SCAF11: variants seen among roughly 807,000 people sequenced by gnomAD.
SCAF11 encodes the protein protein SCAF11.
A neutral mutation model predicts 140.5 loss-of-function variants in SCAF11; 47 were observed. The observed-to-expected ratio is 0.33, with a 90% CI of 0.26 to 0.43. The LOEUF (loss-of-function observed/expected upper bound fraction) is 0.43. Among genes scored for constraint, SCAF11 ranks in the 20% least tolerant of loss-of-function variants. SCAF11 has a pLI of 1.00. For missense variants in SCAF11, 1,645 were observed against 1,705.1 expected (o/e 0.96, Z 0.62); for synonymous variants, 557 against 579.4 (o/e 0.96, Z 0.55).
rs1407649705 is a variant in SCAF11 at position 45,922,497 on chromosome 12, T to A, written c.4211A>T (p.Glu1404Val). The A allele has an allele frequency of 6.2e-7, 1 of 1,603,800 alleles. No homozygotes were observed. Among genetic ancestry groups the A allele is most frequent in the East Asian group, 2.2e-5 (1 of 44,570 alleles). ...FYQNKDITKE[E>V]YKEIVRKAVD... Reference sequence around the variant, plus strand: ...TGCTTTCCGTACAATTTCTTTATATTCTTCCTTGGTGATATCTTTATTTTG... The same window carrying A: ...TGCTTTCCGTACAATTTCTTTATATACTTCCTTGGTGATATCTTTATTTTG... The change falls in exon 14 of 15, where the codon GAA (glutamate) becomes GTA (valine). Residue 1404 changes from glutamate to valine, a missense_variant. Coordinates refer to ENST00000369367, the MANE Select transcript of SCAF11 (RefSeq NM_004719.3).
chr12:45,965,570 TC>T (rs1408429351), intron 1 of SCAF11, among the ~76,000 whole-genome samples: 2 of 152,130 alleles, frequency 1.3e-5, no homozygotes, highest in Non-Finnish European at 2.9e-5. Flanking sequence ...TGCCTCCACC[TC>T]CCAAAATGCT....
At chr12:45,943,407 A>G (rs1945350341) in intron 6 of SCAF11, among the ~76,000 whole-genome samples, 2 of 152,196 alleles carry the variant, frequency 1.3e-5, no homozygotes, top group Admixed American at 1.3e-4. Flanking sequence ...TAAGAAGAGT[A>G]AGTACAATAA....
At position 45,927,982 on chromosome 12, in the gene SCAF11, C is replaced by T. The variant is rs2136509578; in HGVS notation, c.1719G>A (p.Glu573=). Residue 573 remains glutamate (E), a synonymous_variant, in exon 11 of 15, where the codon GAG becomes GAA. Coordinates refer to ENST00000369367, the MANE Select transcript of SCAF11 (RefSeq NM_004719.3). ...CTTCATTAACCACTGACTCTACATT[C>T]TCAGATAAGTCACTTAGGGGACAAG... ...PVSCPLSDLS[E]NVESVVNEEK... is the part of the protein sequence containing the mutation. 1 of 1,613,168 alleles carries T rather than the reference C, an allele frequency of 6.2e-7. No homozygotes were observed.
intron 10 of SCAF11, chr12:45,930,913 C>T (rs1354844493): frequency 6.6e-6 from 1 of 151,866 alleles, no homozygotes; most frequent in African/African-American, 2.4e-5. Context: ...AAACATTTTC[C>T]GATATATTTA....
intron 1 of SCAF11, among the ~76,000 whole-genome samples, chr12:45,970,466 C>T (rs1296502090): frequency 2.6e-5 from 4 of 152,160 alleles, no homozygotes; most frequent in African/African-American, 9.7e-5. Flanking sequence ...CATGACAGAC[C>T]CTACTATGGA....
chr12:45,972,230 A>C (rs1019514086), intron 1 of SCAF11, among the ~76,000 whole-genome samples: 3 of 152,228 alleles, frequency 2.0e-5, no homozygotes. Flanking sequence ...TACAACCTAC[A>C]GAAAGCTAAT....
intron 6 of SCAF11, among the ~76,000 whole-genome samples, chr12:45,944,721 T>C (rs180746761): frequency 4.9e-4 from 75 of 152,358 alleles, no homozygotes; most frequent in African/African-American, 1.7e-3. Flanking sequence ...TAGAAAATCA[T>C]GTACCAGACA....
intron 6 of SCAF11, among the ~76,000 whole-genome samples, chr12:45,937,182 T>G (rs1265080474): frequency 6.6e-6 from 1 of 152,210 alleles, no homozygotes; most frequent in Non-Finnish European, 1.5e-5. Context: ...GAAATTTTAT[T>G]ATTCGATATT....
At chr12:45,952,568 T>C (rs1945577312) in intron 3 of SCAF11, among the ~76,000 whole-genome samples, 2 of 152,202 alleles carry the variant, frequency 1.3e-5, no homozygotes, top group Admixed American at 6.5e-5. Flanking sequence ...GGTCCTTAAG[T>C]GATACTATGA....
In SCAF11 at chr12:45,926,396, G is replaced by C; in HGVS notation, c.3305C>G (p.Pro1102Arg). 1 of 1,614,114 alleles carries C rather than the reference G, an allele frequency of 6.2e-7. No homozygotes were observed. Among genetic ancestry groups the C allele is most frequent in the Non-Finnish European group, 8.5e-7 (1 of 1,180,014 alleles). ...TGAACTGTTTGAATTCCCTGAGAGG[G>C]GTTTTCGATTTTGCCACCGATTTTC... is the stretch of plus-strand genomic sequence containing the variant. ...QNENRWQNRK[P>R]LSGNSNSSGS... The change falls in exon 11 of 15, where the codon CCC (proline) becomes CGC (arginine). Residue 1102 changes from proline to arginine, a missense_variant. Pro to Arg is a moderately radical substitution (Grantham distance 103). Coordinates refer to ENST00000369367, the MANE Select transcript of SCAF11 (RefSeq NM_004719.3).
chr12:45,934,918 T>TC (rs1270540705), intron 6 of SCAF11: 5 of 152,830 alleles, frequency 3.3e-5, no homozygotes, highest in African/African-American at 1.2e-4. Context: ...GGTAGCTATC[T>TC]CAAGCAGGGG....
chr12:45,935,892 G>A (rs1210985302), intron 6 of SCAF11, among the ~76,000 whole-genome samples: 1 of 77,282 alleles, frequency 1.3e-5, no homozygotes, highest in Non-Finnish European at 3.1e-5. Context: ...CCTGAAGATC[G>A]TTTCACAAAT....
chr12:45,943,949 T>G (rs1253289796), intron 6 of SCAF11, among the ~76,000 whole-genome samples: 3 of 152,192 alleles, frequency 2.0e-5, no homozygotes, highest in African/African-American at 7.2e-5. Context: ...TAATCATAGA[T>G]GCTTATAAAT....
At chr12:45,952,387 C>T (rs1443077796) in intron 3 of SCAF11, among the ~76,000 whole-genome samples, 12 of 152,198 alleles carry the variant, frequency 7.9e-5, no homozygotes, top group Non-Finnish European at 1.8e-4. Flanking sequence ...GAGTTTTTTA[C>T]TTTACATTTC....
chr12:45,933,722 T>C (rs548018637), intron 8 of SCAF11, among the ~76,000 whole-genome samples: 5 of 152,304 alleles, frequency 3.3e-5, no homozygotes, highest in Non-Finnish European at 7.4e-5. Context: ...AATCGTATTC[T>C]GTGCTGCTGG....
rs1242065263 is a variant in SCAF11, at chr12:45,927,213, A to T, written c.2488T>A (p.Ser830Thr). The change falls in exon 11 of 15, where the codon TCT becomes ACT. Residue 830 changes from serine (S) to threonine (T), a missense_variant. By Grantham distance (58) the Ser-to-Thr change is moderately conservative (BLOSUM62 1). Transcript: ENST00000369367. The part of the protein sequence containing the change: ...RRETGKESRK[S>T]QSPSPKNESA... The stretch of plus-strand genomic sequence containing the variant: ...TCATTCTTAGGAGATGGTGATTGAG[A>T]CTTCCTGCTTTCTTTCCCAGTTTCT... 1.2e-6 allele frequency: 2 copies of T among 1,613,806 alleles called. No homozygotes were observed. The highest frequency in any genetic ancestry group is 1.7e-6 in the Non-Finnish European group (2 of 1,179,986).
At chr12:45,924,639 G>A in intron 12 of SCAF11, 89 bp downstream of exon 12, 4 of 1,009,096 alleles carry the variant, frequency 4.0e-6, no homozygotes, top group Non-Finnish European at 5.8e-6. Flanking sequence ...GTTTTTGAAT[G>A]CCAGGATGCC....
In SCAF11 at chr12:45,953,934, GTTAA is replaced by G. The variant is rs911837553; in HGVS notation, c.220-2211_220-2208del. 1.1e-4 allele frequency: 92 copies of G among 822,600 alleles called. No individual in the cohort carries two copies. The South Asian group carries it at 1.5e-3, about 13-fold the overall frequency. The allele number at this position is 822,600 out of a possible 1,614,324, so 51.0% of individuals were successfully genotyped here. A position where few individuals can be genotyped will look rare whatever the true frequency, so the allele number is the denominator to read the frequency against. On this transcript the variant is annotated intron_variant, in intron 3 of 14. Coordinates refer to ENST00000369367, the MANE Select transcript of SCAF11 (RefSeq NM_004719.3). ...CTAGTTTTAGTAACAAAAAAACTTG[GTTAA>G]TTAACAAAAGACAACCACAATATGA...
chr12:45,990,435 C>T lies in SCAF11; in HGVS notation c.-104G>A. 8.1e-7 allele frequency: 1 copy of T among 1,231,982 alleles called. No individual in the cohort carries two copies. The allele number at this position is 1,231,982 out of a possible 1,614,324, so 76.3% of individuals were successfully genotyped here. A position where few individuals can be genotyped will look rare whatever the true frequency, so the allele number is the denominator to read the frequency against. On this transcript the variant is annotated 5_prime_UTR_variant, in exon 1 of 15. Coordinates refer to ENST00000369367, the MANE Select transcript of SCAF11 (RefSeq NM_004719.3). ...CCCAGTCACTCCGCTGCCAAGTTCC[C>T]CAACATGGACTCCTTCGTCCGCTTT...
Sources: gnomAD v4.1 joint callset for allele counts (sites outside exome capture counted in the v4.1 genomes callset) on GRCh38, gnomAD v4.1.1 for gene constraint, MANE v1.5 for transcripts, NCBI Gene and HGNC (gene_info 2026-07-23, HGNC 2026-07-21) for gene names.